Variants in ARHGAP28 observed in about 807,000 individuals in gnomAD.
ARHGAP28 encodes the protein rho GTPase-activating protein 28.
ARHGAP28 carries 56 observed loss-of-function variants against 90.7 expected under a neutral mutation model. The ratio of observed to expected loss-of-function variants is 0.62; its 90% CI spans 0.50 to 0.77. The LOEUF (loss-of-function observed/expected upper bound fraction) is 0.77. Ranked by LOEUF, ARHGAP28 falls within the 30% of genes least tolerant of loss-of-function variation. The pLI, the probability that ARHGAP28 is intolerant of heterozygous loss-of-function variation, is 0.00. For synonymous variants in ARHGAP28, 308 were observed against 323.3 expected (o/e 0.95, Z 0.51); for missense variants, 869 against 900.9 (o/e 0.96, Z 0.45).
intron 1 of ARHGAP28, among the ~76,000 whole-genome samples, chr18:6,785,403 T>C (rs2056357784): frequency 6.6e-6 from 1 of 152,200 alleles, no homozygotes; most frequent in Admixed American, 6.5e-5. Flanking sequence ...TATAACTCAG[T>C]GGTAAAGATA....
intron 1 of ARHGAP28, among the ~76,000 whole-genome samples, chr18:6,821,324 A>T (rs540095026): frequency 6.6e-6 from 1 of 152,352 alleles, no homozygotes; most frequent in East Asian, 1.9e-4. Context: ...ATTTAATTTT[A>T]AACCTTGTGG....
intron 1 of ARHGAP28, among the ~76,000 whole-genome samples, chr18:6,817,085 TA>T (rs80276000): frequency 0.04 from 5,183 of 129,786 alleles, 94 homozygotes; most frequent in Middle Eastern, 0.081. Context: ...GACCCTGTCT[TA>T]AAAAAAAAAA....
At chr18:6,773,026 AT>A (rs1203664307) in intron 1 of ARHGAP28, among the ~76,000 whole-genome samples, 3 of 152,114 alleles carry the variant, frequency 2.0e-5, no homozygotes, top group Non-Finnish European at 2.9e-5. Flanking sequence ...TGAAGGTTTT[AT>A]CTGGACATAA....
intron 1 of ARHGAP28, among the ~76,000 whole-genome samples, chr18:6,772,065 T>C (rs2056247239): frequency 2.6e-5 from 4 of 152,134 alleles, no homozygotes; most frequent in Admixed American, 2.0e-4. Flanking sequence ...CACAAAACCA[T>C]TAATGAATCC....
chr18:6,764,854 G>C (rs570052044), intron 1 of ARHGAP28, among the ~76,000 whole-genome samples: 2 of 152,050 alleles, frequency 1.3e-5, no homozygotes, highest in South Asian at 4.1e-4. Context: ...GTTGCTGTCT[G>C]GCCATTTTAT....
At chr18:6,739,986 C>G (rs960572675) in intron 1 of ARHGAP28, among the ~76,000 whole-genome samples, 15 of 151,796 alleles carry the variant, frequency 9.9e-5, no homozygotes, top group African/African-American at 3.6e-4. Flanking sequence ...TCCCAAGTAA[C>G]TGGGATTATA....
intron 5 of ARHGAP28, among the ~76,000 whole-genome samples, chr18:6,866,817 G>A (rs1156834774): frequency 6.6e-6 from 1 of 152,174 alleles, no homozygotes; most frequent in Non-Finnish European, 1.5e-5. Flanking sequence ...GTAGGTTTAA[G>A]TATCCCAAAC....
Position 6,837,431 on chromosome 18 carries a change from A to G in ARHGAP28, c.543+17A>G. On this transcript the variant is annotated intron_variant, in intron 3 of 17. Coordinates refer to ENST00000383472, the MANE Select transcript of ARHGAP28 (RefSeq NM_001366230.1). ...GAATCTCCTGTAAGTAATGGCTCAA[A>G]CATGGCTCAAAAGGCGCCTAGTTTG... 6.4e-7 allele frequency: 1 copy of G among 1,572,662 alleles called. No homozygotes were observed. The highest frequency in any genetic ancestry group is 8.7e-7 in the Non-Finnish European group (1 of 1,143,966).
At chr18:6,749,139 G>A (rs1055049098) in intron 1 of ARHGAP28, among the ~76,000 whole-genome samples, 2 of 152,144 alleles carry the variant, frequency 1.3e-5, no homozygotes, top group African/African-American at 4.8e-5. Flanking sequence ...AAATGTTTGA[G>A]CTAAAAGTCA....
At chr18:6,773,657 A>C (rs1174768230) in intron 1 of ARHGAP28, among the ~76,000 whole-genome samples, 1 of 152,174 alleles carries the variant, frequency 6.6e-6, no homozygotes. Context: ...CTTGGTATTT[A>C]CTGAATTAAT....
At chr18:6,772,671 T>C (rs1421111164) in intron 1 of ARHGAP28, among the ~76,000 whole-genome samples, 1 of 152,198 alleles carries the variant, frequency 6.6e-6, no homozygotes, top group Non-Finnish European at 1.5e-5. Flanking sequence ...AGGTTGGGTT[T>C]ATTCAATGCA....
chr18:6,791,943 C>T (rs550668641), intron 1 of ARHGAP28, among the ~76,000 whole-genome samples: 2 of 152,014 alleles, frequency 1.3e-5, no homozygotes, highest in Admixed American at 6.6e-5. Flanking sequence ...AGATTACAGG[C>T]ACCCACCACC....
chr18:6,783,085 G>A (rs977009492), intron 1 of ARHGAP28, among the ~76,000 whole-genome samples: 3 of 152,108 alleles, frequency 2.0e-5, no homozygotes, highest in African/African-American at 7.2e-5. Flanking sequence ...AGGCCACTGT[G>A]TTCTTCACTT....
chr18:6,869,585 C>G (rs945164779), intron 6 of ARHGAP28, among the ~76,000 whole-genome samples: 8 of 152,042 alleles, frequency 5.3e-5, no homozygotes, highest in African/African-American at 1.9e-4. Context: ...TCTAAGTTCT[C>G]GCTGCACTCA....
intron 1 of ARHGAP28, 179 bp downstream of exon 1, chr18:6,730,122 C>A: frequency 8.6e-6 from 5 of 578,738 alleles, no homozygotes; most frequent in Non-Finnish European, 1.3e-5. Context: ...AGGTGGGAAA[C>A]GCTCGAAGGC....
Position 6,896,633 on chromosome 18 carries a change from C to A in ARHGAP28, c.2030+7C>A. ...AATTTCAATATGAAAACAGGTGAGTCAATGTGAATGAAGGTCTCTGCACAA... is the reference window on the plus strand; with the variant it reads ...AATTTCAATATGAAAACAGGTGAGTAAATGTGAATGAAGGTCTCTGCACAA... On this transcript the variant is annotated splice_region_variant and intron_variant, in intron 16 of 17. Transcript: ENST00000383472. 1 of 1,613,728 alleles carries A rather than the reference C, an allele frequency of 6.2e-7. No individual in the cohort carries two copies. Among genetic ancestry groups the A allele is most frequent in the South Asian group, 1.1e-5 (1 of 91,012 alleles).
intron 3 of ARHGAP28, among the ~76,000 whole-genome samples, chr18:6,846,698 C>A (rs1015917601): frequency 6.6e-6 from 1 of 152,148 alleles, no homozygotes; most frequent in African/African-American, 2.4e-5. Flanking sequence ...CACCCCTCAG[C>A]CAGAAGAGGG....
chr18:6,764,717 T>C (rs2056187176), intron 1 of ARHGAP28, among the ~76,000 whole-genome samples: 1 of 152,216 alleles, frequency 6.6e-6, no homozygotes, highest in Non-Finnish European at 1.5e-5. Flanking sequence ...ATCAAAACTC[T>C]TGTAAGGTTA....
intron 1 of ARHGAP28, among the ~76,000 whole-genome samples, chr18:6,753,278 G>A (rs2056084487): frequency 6.6e-6 from 1 of 152,196 alleles, no homozygotes; most frequent in Non-Finnish European, 1.5e-5. Context: ...AGGAAAATTA[G>A]TTTGAGATGA....
Sources: gnomAD v4.1 joint callset for allele counts (sites outside exome capture counted in the v4.1 genomes callset) on GRCh38, gnomAD v4.1.1 for gene constraint, MANE v1.5 for transcripts, NCBI Gene and HGNC (gene_info 2026-07-23, HGNC 2026-07-21) for gene names.